Variants in VPS13B observed in about 807,000 individuals in gnomAD.
VPS13B encodes intermembrane lipid transfer protein VPS13B.
A neutral mutation model predicts 426.4 loss-of-function variants in VPS13B; 285 were observed. That is an observed-to-expected ratio of 0.67 (90% confidence interval 0.61 to 0.74). VPS13B has a LOEUF of 0.74. VPS13B is among the 30% of genes least tolerant of loss of function. The pLI is 0.00. For synonymous variants in VPS13B, 1,676 were observed against 1,676.4 expected, an observed-to-expected ratio of 1.00 and a Z score of 0.01; for missense variants, 4,537 against 4,782.6, an observed-to-expected ratio of 0.95 and a Z score of 1.51.
intron 21 of VPS13B, among the ~76,000 whole-genome samples, chr8:99,413,021 T>G (rs1020975358): frequency 6.6e-6 from 1 of 152,186 alleles, no homozygotes; most frequent in African/African-American, 2.4e-5. Context: ...TGAAATTTTC[T>G]TTTTTTGTTG....
intron 30 of VPS13B, chr8:99,537,007 A>G (rs1823280664): frequency 3.0e-6 from 1 of 338,502 alleles, no homozygotes; most frequent in Admixed American, 4.1e-5. Flanking sequence ...CTGGTAAACC[A>G]TGTCAAATTA....
chr8:99,688,742 AGATT>A (rs1401823095), intron 35 of VPS13B, among the ~76,000 whole-genome samples: 1 of 152,100 alleles, frequency 6.6e-6, no homozygotes, highest in Admixed American at 6.5e-5. Context: ...GACATGTGGC[AGATT>A]GATTAATAGA....
At chr8:99,850,857 C>T (rs574151813) in intron 55 of VPS13B, among the ~76,000 whole-genome samples, 9 of 152,120 alleles carry the variant, frequency 5.9e-5, no homozygotes, top group East Asian at 1.9e-4. Context: ...ACCTGGGAGG[C>T]GGAGGTTGTA....
At chr8:99,243,597 T>G (rs905605968) in intron 17 of VPS13B, among the ~76,000 whole-genome samples, 1 of 152,234 alleles carries the variant, frequency 6.6e-6, no homozygotes, top group Non-Finnish European at 1.5e-5. Flanking sequence ...GTCTTACATT[T>G]TTTCCTGAAA....
chr8:99,766,413 C>T (rs989352739), intron 39 of VPS13B, among the ~76,000 whole-genome samples: 7 of 152,168 alleles, frequency 4.6e-5, no homozygotes, highest in Non-Finnish European at 7.4e-5. Context: ...AAGATTTTGT[C>T]TGTACTTAGC....
intron 30 of VPS13B, among the ~76,000 whole-genome samples, chr8:99,522,575 CTT>C (rs201932891): frequency 6.6e-6 from 1 of 150,886 alleles, no homozygotes; most frequent in African/African-American, 2.4e-5. Flanking sequence ...TCCTTTTATT[CTT>C]TTTTTTTGCC....
At chr8:99,689,043 T>C (rs1375037180) in intron 35 of VPS13B, among the ~76,000 whole-genome samples, 4 of 152,068 alleles carry the variant, frequency 2.6e-5, no homozygotes. Context: ...AAAAAGGGAC[T>C]GTTCAGGTGT....
At chr8:99,645,095 G>A (rs1829529027) in intron 34 of VPS13B, among the ~76,000 whole-genome samples, 1 of 152,128 alleles carries the variant, frequency 6.6e-6, no homozygotes, top group African/African-American at 2.4e-5. Flanking sequence ...TGAAAAGAAG[G>A]ATCTGAATTG....
At position 99,641,689 on chromosome 8, in the gene VPS13B, G is replaced by A. The variant is rs532068526; in HGVS notation, c.5221-122G>A. On this transcript the variant is annotated intron_variant, in intron 33 of 61. Transcript: ENST00000357162. Reference sequence around the variant, plus strand: ...CACCTATTCTATTTTTCTGATTACTGTTTTAAGTTATACTAGACTCATTTT... The same window carrying A: ...CACCTATTCTATTTTTCTGATTACTATTTTAAGTTATACTAGACTCATTTT... The A allele has an allele frequency of 1.1e-4, 106 of 964,420 alleles. 1 individual carries two copies. The South Asian group carries it at 2.0e-3, about 19-fold the overall frequency. The allele number at this position is 964,420 out of a possible 1,614,324, so 59.7% of individuals were successfully genotyped here.
intron 19 of VPS13B, among the ~76,000 whole-genome samples, chr8:99,378,015 T>TC (rs750221806): frequency 6.6e-6 from 1 of 152,052 alleles, no homozygotes; most frequent in Non-Finnish European, 1.5e-5. Flanking sequence ...TGACTAGAAT[T>TC]CGCCAGGCTG....
chr8:99,614,338 C>T (rs1023841044), intron 33 of VPS13B, among the ~76,000 whole-genome samples: 6 of 152,126 alleles, frequency 3.9e-5, no homozygotes, highest in Admixed American at 2.6e-4. Flanking sequence ...AGTGCAATGG[C>T]GCAGTCTCAG....
chr8:99,681,129 G>A (rs2129977172), intron 35 of VPS13B, among the ~76,000 whole-genome samples: 1 of 152,236 alleles, frequency 6.6e-6, no homozygotes, highest in Admixed American at 6.5e-5. Context: ...CTAGATCAAG[G>A]ATGTGAAAGT....
chr8:99,875,545 C>T lies in VPS13B; in HGVS notation c.11873C>T (p.Ala3958Val). ...SMQIPCPVVA[A>V]EPPPSTVKTY... The stretch of plus-strand genomic sequence containing the variant: ...CAAATACCATGCCCTGTGGTGGCTG[C>T]AGAACCTCCCCCCTCCACTGTTAAA... Residue 3958 changes from alanine (A) to valine (V), a missense_variant, in exon 62 of 62, where the codon GCA becomes GTA. By Grantham distance (64) the Ala-to-Val change is moderately conservative. This residue lies in a region of VPS13B where 4,311 missense variants were observed against 4,474.3 expected (regional missense o/e 0.96). Transcript: ENST00000357162. The T allele has an allele frequency of 6.2e-7, 1 of 1,614,106 alleles. No individual in the cohort carries two copies. Among genetic ancestry groups the T allele is most frequent in the Non-Finnish European group, 8.5e-7 (1 of 1,179,962 alleles).
chr8:99,807,476 T>A (rs1813461845), intron 43 of VPS13B, among the ~76,000 whole-genome samples: 1 of 152,084 alleles, frequency 6.6e-6, no homozygotes, highest in African/African-American at 2.4e-5. Context: ...AACAACTTTC[T>A]TATTTCTTTT....
intron 39 of VPS13B, among the ~76,000 whole-genome samples, chr8:99,725,668 G>A (rs1437864485): frequency 6.6e-6 from 1 of 152,140 alleles, no homozygotes; most frequent in East Asian, 1.9e-4. Flanking sequence ...GAACTTCCGT[G>A]TTCTGTTTCA....
intron 33 of VPS13B, among the ~76,000 whole-genome samples, chr8:99,612,873 A>G (rs1827904644): frequency 2.0e-5 from 3 of 151,974 alleles, no homozygotes; most frequent in Admixed American, 6.5e-5. Flanking sequence ...CCCCCTCCCT[A>G]TTTTCCTACT....
At chr8:99,237,760 G>A (rs149246993) in intron 17 of VPS13B, among the ~76,000 whole-genome samples, 9 of 151,802 alleles carry the variant, frequency 5.9e-5, no homozygotes, top group African/African-American at 1.9e-4. Flanking sequence ...CATGTGACCC[G>A]AACCACCTGT....
chr8:99,668,363 A>G (rs1442710175), intron 35 of VPS13B, among the ~76,000 whole-genome samples: 1 of 152,040 alleles, frequency 6.6e-6, no homozygotes, highest in Non-Finnish European at 1.5e-5. Context: ...CTCAAAAAAA[A>G]AAAAAAAAAG....
At chr8:99,660,579 C>T (rs1322676169) in intron 34 of VPS13B, among the ~76,000 whole-genome samples, 3 of 152,024 alleles carry the variant, frequency 2.0e-5, no homozygotes, top group Non-Finnish European at 4.4e-5. Flanking sequence ...TGCCAAGATA[C>T]AGCAGTCGTT....
Sources: allele counts gnomAD v4.1 joint callset (sites outside exome capture counted in the v4.1 genomes callset), GRCh38; gene constraint gnomAD v4.1.1; regional missense constraint gnomAD v4.1.1; transcripts MANE v1.5; gene names NCBI Gene and HGNC (gene_info 2026-07-23, HGNC 2026-07-21).